The following DNM3 variants were observed in gnomAD, a reference collection of about 807,000 sequenced individuals.
DNM3 encodes dynamin 3.
In DNM3, 47 loss-of-function variants were observed where a neutral mutation model predicts 101.6. That is an observed-to-expected ratio of 0.46 (90% CI 0.37 to 0.59). The LOEUF (loss-of-function observed/expected upper bound fraction) is 0.59. Ranked by LOEUF, DNM3 falls within the 20% of genes least tolerant of loss-of-function variation. The probability of loss-of-function intolerance (pLI) is 0.00; values close to 1 mark genes in which losing one functional copy is unlikely to be tolerated. For missense variants in DNM3, 849 were observed against 1,085.7 expected (o/e 0.78, Z 3.06); for synonymous variants, 385 against 387.9 (o/e 0.99, Z 0.09).
chr1:171,858,940 A>G (rs932569533), intron 1 of DNM3, among the ~76,000 whole-genome samples: 2 of 152,136 alleles, frequency 1.3e-5, no homozygotes, highest in Non-Finnish European at 2.9e-5. Context: ...ATAACAATAG[A>G]CTCATAATAC....
intron 16 of DNM3, among the ~76,000 whole-genome samples, chr1:172,320,176 G>A (rs2065629779): frequency 1.4e-5 from 2 of 141,832 alleles, no homozygotes; most frequent in Non-Finnish European, 3.0e-5. Flanking sequence ...GATGGGAATT[G>A]AACAATGAGA....
intron 2 of DNM3, among the ~76,000 whole-genome samples, chr1:171,937,216 G>A (rs1224942490): frequency 1.3e-5 from 2 of 151,438 alleles, no homozygotes; most frequent in Admixed American, 6.6e-5. Context: ...ACATTTAAGT[G>A]TCTGAATTTA....
chr1:172,410,624 A>T lies in DNM3; in HGVS notation c.*2783A>T. The T allele has an allele frequency of 2.0e-6, 2 of 985,306 alleles. No individual in the cohort carries two copies. The highest frequency in any genetic ancestry group is 1.7e-5 in the African/African-American group (1 of 57,374). The allele number at this position is 985,306 out of a possible 1,614,324, so 61.0% of individuals were successfully genotyped here. A position where few individuals can be genotyped will look rare whatever the true frequency, so the allele number is the denominator to read the frequency against. Reference sequence around the variant, plus strand: ...AAAAAGTATATTGCATTTCTAAAAAACATCTACCAAGGTTACTCGTCTGAA... The same window carrying T: ...AAAAAGTATATTGCATTTCTAAAAATCATCTACCAAGGTTACTCGTCTGAA... On this transcript the variant is annotated 3_prime_UTR_variant, in exon 21 of 21. Transcript: ENST00000627582.
intron 14 of DNM3, among the ~76,000 whole-genome samples, chr1:172,211,085 T>A (rs1259129777): frequency 6.6e-6 from 1 of 152,134 alleles, no homozygotes; most frequent in Admixed American, 6.6e-5. Flanking sequence ...AAAAATATTA[T>A]CATAATTCCT....
chr1:172,015,067 T>C (rs1317359373), intron 4 of DNM3, among the ~76,000 whole-genome samples: 2 of 152,202 alleles, frequency 1.3e-5, no homozygotes, highest in African/African-American at 4.8e-5. Context: ...TTTGTATCTT[T>C]GTCAAGGATC....
At chr1:171,944,398 T>G (rs2042019505) in intron 2 of DNM3, among the ~76,000 whole-genome samples, 1 of 151,770 alleles carries the variant, frequency 6.6e-6, no homozygotes, top group Non-Finnish European at 1.5e-5. Flanking sequence ...TATTTATAGA[T>G]GGGGTCTCAC....
intron 2 of DNM3, among the ~76,000 whole-genome samples, chr1:171,981,677 T>A (rs2044805498): frequency 6.6e-6 from 1 of 152,252 alleles, no homozygotes; most frequent in African/African-American, 2.4e-5. Context: ...TTCTCCTTTT[T>A]TCCTTCCTAA....
At chr1:172,341,782 A>T (rs76437367) in intron 17 of DNM3, among the ~76,000 whole-genome samples, 1 of 152,216 alleles carries the variant, frequency 6.6e-6, no homozygotes, top group East Asian at 1.9e-4. Flanking sequence ...AAAACCCTGG[A>T]AGATAACTTA....
chr1:172,416,314 A>G (rs1375734030), downstream of DNM3, among the ~76,000 whole-genome samples: 2 of 152,210 alleles, frequency 1.3e-5, no homozygotes, highest in African/African-American at 4.8e-5. Context: ...AAGTCATATA[A>G]AAATTATGCA....
intron 4 of DNM3, among the ~76,000 whole-genome samples, chr1:172,004,529 G>A (rs1349080963): frequency 6.6e-6 from 1 of 151,920 alleles, no homozygotes; most frequent in Non-Finnish European, 1.5e-5. Context: ...GTGTGTGTGT[G>A]TTTGTGTTGA....
chr1:172,199,418 T>G (rs930743994), intron 14 of DNM3, among the ~76,000 whole-genome samples: 1 of 152,248 alleles, frequency 6.6e-6, no homozygotes, highest in African/African-American at 2.4e-5. Context: ...TAAGGGTCTA[T>G]CAGATCCATT....
chr1:172,174,583 G>C (rs1278700557), intron 14 of DNM3, among the ~76,000 whole-genome samples: 1 of 151,690 alleles, frequency 6.6e-6, no homozygotes, highest in East Asian at 1.9e-4. Flanking sequence ...CTCAGTGTTA[G>C]AGTTGGTGTT....
chr1:171,901,802 T>A (rs187945803), intron 1 of DNM3, among the ~76,000 whole-genome samples: 78 of 152,326 alleles, frequency 5.1e-4, no homozygotes, highest in African/African-American at 1.8e-3. Context: ...ATTTTATAGT[T>A]TGACATTAAA....
chr1:172,002,885 G>A (rs2046439276), intron 4 of DNM3, among the ~76,000 whole-genome samples: 1 of 152,000 alleles, frequency 6.6e-6, no homozygotes, highest in South Asian at 2.1e-4. Context: ...TATCATCAAT[G>A]TAAAAGGCCT....
chr1:172,289,894 G>C, intron 15 of DNM3: 1 of 970,230 alleles, frequency 1.0e-6, no homozygotes, highest in Non-Finnish European at 1.2e-6. Flanking sequence ...TTGTACTGTT[G>C]GGTTTTCTTT....
At chr1:172,253,759 A>G in intron 15 of DNM3, 77 bp downstream of exon 15, 1 of 951,768 alleles carries the variant, frequency 1.1e-6, no homozygotes, top group East Asian at 2.9e-5. Context: ...ATATTTGAAA[A>G]TAGTTCCTTT....
At chr1:171,851,454 G>A (rs763921587) in intron 1 of DNM3, among the ~76,000 whole-genome samples, 21 of 152,074 alleles carry the variant, frequency 1.4e-4, no homozygotes, top group Non-Finnish European at 2.8e-4. Flanking sequence ...CTGTCGTCCC[G>A]GCTGAAGTGC....
intron 14 of DNM3, among the ~76,000 whole-genome samples, chr1:172,161,178 A>G (rs192221501): frequency 5.7e-4 from 85 of 149,376 alleles, no homozygotes; most frequent in Admixed American, 1.9e-3. Context: ...TTCACCTCCT[A>G]TATATTATTA....
intron 14 of DNM3, among the ~76,000 whole-genome samples, chr1:172,226,494 A>T (rs1307703068): frequency 6.6e-6 from 1 of 152,192 alleles, no homozygotes; most frequent in Non-Finnish European, 1.5e-5. Context: ...TCATGCACAG[A>T]TGAAAGGAAG....
Sources: allele counts gnomAD v4.1 joint callset (sites outside exome capture counted in the v4.1 genomes callset), GRCh38; gene constraint gnomAD v4.1.1; transcripts MANE v1.5; gene names NCBI Gene and HGNC (gene_info 2026-07-23, HGNC 2026-07-21).